The following AKT2 variants were observed in gnomAD, a reference collection of about 807,000 sequenced individuals.
AKT2 encodes AKT serine/threonine kinase 2, also known as RAC-beta serine/threonine-protein kinase.
AKT2 carries 16 observed loss-of-function variants against 58.6 expected under a neutral mutation model. The ratio of observed to expected loss-of-function variants is 0.27; its 90% CI spans 0.18 to 0.41. AKT2 has a LOEUF of 0.41. Among genes scored for constraint, AKT2 ranks in the 10% least tolerant of loss-of-function variants. AKT2 has a pLI of 1.00. For synonymous variants in AKT2, 253 were observed against 254.0 expected (o/e 1.00, Z 0.04); for missense variants, 438 against 661.0 (o/e 0.66, Z 3.70).
At chr19:40,255,923 G>A (rs1975510038) in intron 3 of AKT2, among the ~76,000 whole-genome samples, 1 of 152,200 alleles carries the variant, frequency 6.6e-6, no homozygotes, top group Non-Finnish European at 1.5e-5. Flanking sequence ...GAGGTGGGGA[G>A]CCAGCTAGGG....
chr19:40,278,598 C>T (rs1240202274), intron 1 of AKT2, among the ~76,000 whole-genome samples: 2 of 152,004 alleles, frequency 1.3e-5, no homozygotes, highest in Non-Finnish European at 2.9e-5. Context: ...GCCCTCCCAT[C>T]AGCTAACAGG....
At position 40,265,358 on chromosome 19, in the gene AKT2, G is replaced by C; in HGVS notation, c.-84-7C>G. On this transcript the variant is annotated splice_region_variant and splice_polypyrimidine_tract_variant and intron_variant, in intron 1 of 13. Transcript: ENST00000392038. ...ACCGTGGACAGGGCACAGTCTGCAA[G>C]ACAAGAGAGGAGCTGGTCAGGGCGG... 3 of 1,561,814 alleles carry C rather than the reference G, an allele frequency of 1.9e-6. No homozygotes were observed. Among genetic ancestry groups the C allele is most frequent in the African/African-American group, 1.3e-5 (1 of 74,360 alleles).
rs902399638 is a variant in AKT2 at position 40,231,893 on chromosome 19, T to C, written c.*1979A>G. ...ATTTGGGGGCCTCAAGGCTTCCAGG[T>C]GGCAGCATAAACAGGGAGGTGGGGC... On this transcript the variant is annotated 3_prime_UTR_variant, in exon 14 of 14. Coordinates refer to ENST00000392038, the MANE Select transcript of AKT2 (RefSeq NM_001626.6). 9.4e-5 allele frequency: 22 copies of C among 233,282 alleles called. No homozygotes were observed. The highest frequency in any genetic ancestry group is 3.8e-4 in the African/African-American group (17 of 45,332). 14.5% of individuals were successfully genotyped at this position (233,282 alleles called of 1,614,324 possible).
At position 40,281,948 on chromosome 19, in the gene AKT2, G is replaced by A. The variant is rs116981966; in HGVS notation, c.-85+3233C>T. Reference sequence around the variant, plus strand: ...GAATTATCATCATCCCCATGGCACCGATGATGAAATGAGCTCACAAGGGTT... The same window carrying A: ...GAATTATCATCATCCCCATGGCACCAATGATGAAATGAGCTCACAAGGGTT... On this transcript the variant is annotated intron_variant, in intron 1 of 13. Transcript: ENST00000392038. Among the ~76,000 whole-genome samples, 123 of 152,272 alleles carry A rather than the reference G, an allele frequency of 8.1e-4. 2 individuals carry two copies. The highest frequency in any genetic ancestry group is 5.8e-3 in the East Asian group (30 of 5,172).
chr19:40,259,491 GA>G (rs1975787409), intron 2 of AKT2, among the ~76,000 whole-genome samples: 1 of 152,254 alleles, frequency 6.6e-6, no homozygotes, highest in South Asian at 2.1e-4. Flanking sequence ...AAAAGTCTAA[GA>G]ATACATGAGT....
At position 40,232,625 on chromosome 19, in the gene AKT2, G is replaced by T; in HGVS notation, c.*1247C>A. 1 of 233,240 alleles carries T rather than the reference G, an allele frequency of 4.3e-6. No homozygotes were observed. Among genetic ancestry groups the T allele is most frequent in the Non-Finnish European group, 8.5e-6 (1 of 118,166 alleles). The allele number at this position is 233,240 out of a possible 1,614,324, so 14.4% of individuals were successfully genotyped here. ...ATCACAGTGGGGCTCCTCCCACTAG[G>T]TCAGCACCCCTCCCCCACAGGATGA... On this transcript the variant is annotated 3_prime_UTR_variant, in exon 14 of 14. Coordinates refer to ENST00000392038, the MANE Select transcript of AKT2 (RefSeq NM_001626.6).
intron 2 of AKT2, among the ~76,000 whole-genome samples, chr19:40,259,054 A>C (rs1217659031): frequency 6.6e-6 from 1 of 152,234 alleles, no homozygotes; most frequent in African/African-American, 2.4e-5. Context: ...CAGGACAGAC[A>C]TACAGACCAA....
intron 2 of AKT2, among the ~76,000 whole-genome samples, chr19:40,260,654 A>T (rs1013199815): frequency 2.6e-3 from 390 of 149,954 alleles, no homozygotes; most frequent in Non-Finnish European, 4.3e-3. Context: ...AAAAAAAAAA[A>T]AAAGAATATA....
At chr19:40,259,602 CCTT>C (rs1367030973) in intron 2 of AKT2, among the ~76,000 whole-genome samples, 1 of 152,248 alleles carries the variant, frequency 6.6e-6, no homozygotes, top group East Asian at 1.9e-4. Flanking sequence ...AAATTAAAAA[CCTT>C]TGTGCATGAA....
chr19:40,257,491 C>A (rs1447579351), intron 2 of AKT2, among the ~76,000 whole-genome samples: 1 of 152,074 alleles, frequency 6.6e-6, no homozygotes, highest in Non-Finnish European at 1.5e-5. Flanking sequence ...CACTTCTGTG[C>A]CAGGCAGGGT....
intron 4 of AKT2, among the ~76,000 whole-genome samples, chr19:40,253,900 T>G (rs1311578221): frequency 2.0e-5 from 3 of 148,716 alleles, no homozygotes; most frequent in Non-Finnish European, 3.0e-5. Context: ...GCTGCATCTC[T>G]CCATATATCA....
At chr19:40,262,338 T>C (rs1394831036) in intron 2 of AKT2, among the ~76,000 whole-genome samples, 4 of 151,248 alleles carry the variant, frequency 2.6e-5, no homozygotes, top group Non-Finnish European at 5.9e-5. Context: ...CACAGAGAGG[T>C]CCTATTAGTT....
intron 1 of AKT2, chr19:40,266,453 T>G (rs1976363773): frequency 6.6e-6 from 1 of 151,936 alleles, no homozygotes; most frequent in Non-Finnish European, 1.5e-5. Context: ...GGGAGGTAAG[T>G]GGTAGGAAGC....
Position 40,234,944 on chromosome 19 carries a change from C to T in AKT2, c.1366+101G>A, listed in dbSNP as rs1424952553. On this transcript the variant is annotated intron_variant, in intron 13 of 13. Coordinates refer to ENST00000392038, the MANE Select transcript of AKT2 (RefSeq NM_001626.6). The surrounding 1 kb of genome is among the most constrained non-coding windows in gnomAD (Gnocchi z 4.7). ...TTGGGGAAATCTCCCAGACATGAAG[C>T]GGGGGCCTTCGAGGGCCCTCCTTGA... 5 of 1,066,702 alleles carry T rather than the reference C, an allele frequency of 4.7e-6. No individual in the cohort carries two copies. The highest frequency in any genetic ancestry group is 2.4e-5 in the East Asian group (1 of 40,824). 66.1% of individuals were successfully genotyped at this position (1,066,702 alleles called of 1,614,324 possible).
At chr19:40,278,662 G>A (rs2077369277) in intron 1 of AKT2, among the ~76,000 whole-genome samples, 1 of 151,998 alleles carries the variant, frequency 6.6e-6, no homozygotes, top group East Asian at 1.9e-4. Context: ...CTGCCCTGCA[G>A]AGCCCCTTCT....
At position 40,236,029 on chromosome 19, in the gene AKT2, C is replaced by T. The variant is rs1169786300; in HGVS notation, c.1036G>A (p.Gly346Ser). 5 of 1,613,984 alleles carry T rather than the reference C, an allele frequency of 3.1e-6. No homozygotes were observed. Among genetic ancestry groups the T allele is most frequent in the Non-Finnish European group, 4.2e-6 (5 of 1,180,032 alleles). The change falls in exon 11 of 14, where the codon GGC becomes AGC. Residue 346 changes from glycine to serine, a missense_variant. By Grantham distance (56) the Gly-to-Ser change is moderately conservative (BLOSUM62 0). Transcript: ENST00000392038. ...LGVVMYEMMC[G>S]RLPFYNQDHE... ...TCCTGGTTGTAGAAGGGCAGGCGGC[C>T]GCACATCATCTCGTACATGACCACA... is the stretch of plus-strand genomic sequence containing the variant.
intron 1 of AKT2, among the ~76,000 whole-genome samples, chr19:40,270,174 C>G (rs532713604): frequency 3.9e-5 from 6 of 152,350 alleles, no homozygotes; most frequent in South Asian, 4.1e-4. Flanking sequence ...CATGCCCACC[C>G]TACCTCCCCT....
chr19:40,235,748 T>G lies in AKT2; in HGVS notation c.1175+142A>C. The G allele has an allele frequency of 1.2e-6, 1 of 863,420 alleles. No individual in the cohort carries two copies. Among genetic ancestry groups the G allele is most frequent in the Non-Finnish European group, 1.7e-6 (1 of 572,134 alleles). 53.5% of individuals were successfully genotyped at this position (863,420 alleles called of 1,614,324 possible). A position where few individuals can be genotyped will look rare whatever the true frequency, so the allele number is the denominator to read the frequency against. On this transcript the variant is annotated intron_variant, in intron 11 of 13. Transcript: ENST00000392038. The surrounding 1 kb of genome is among the most constrained non-coding windows in gnomAD (Gnocchi z 6.3). Reference sequence around the variant, plus strand: ...GGGGGAAGCACTCCCTAAGTGCCACTGTGGACGTTTTCAGGGGCTGTGTGG... The same window carrying G: ...GGGGGAAGCACTCCCTAAGTGCCACGGTGGACGTTTTCAGGGGCTGTGTGG...
At chr19:40,282,336 C>T (rs549729949) in intron 1 of AKT2, 3 of 382,464 alleles carry the variant, frequency 7.8e-6, no homozygotes, top group East Asian at 7.2e-5. Flanking sequence ...GGTCCAAGGT[C>T]GCAGAGCTAG....
Sources: gnomAD v4.1 joint callset for allele counts (sites outside exome capture counted in the v4.1 genomes callset) on GRCh38, gnomAD v4.1.1 for gene constraint, Gnocchi (gnomAD v3.1) non-coding constraint, MANE v1.5 for transcripts, NCBI Gene and HGNC (gene_info 2026-07-23, HGNC 2026-07-21) for gene names.